GRK5: variants seen among roughly 807,000 people sequenced by gnomAD.
GRK5 encodes the protein G protein-coupled receptor kinase 5.
GRK5 carries 40 observed loss-of-function variants against 78.4 expected under a neutral mutation model. The observed-to-expected ratio is 0.51, with a 90% confidence interval of 0.40 to 0.66. The LOEUF (loss-of-function observed/expected upper bound fraction) is 0.66. Ranked by LOEUF, GRK5 falls within the 30% of genes least tolerant of loss-of-function variation. GRK5 has a pLI of 0.00. For missense variants in GRK5, 598 were observed against 759.9 expected (o/e 0.79, Z 2.50); for synonymous variants, 289 against 296.8 (o/e 0.97, Z 0.27).
intron 2 of GRK5, chr10:119,334,709 T>C (rs552451304): frequency 1.3e-5 from 2 of 152,302 alleles, no homozygotes; most frequent in South Asian, 4.1e-4. Flanking sequence ...AAAAAAAGTC[T>C]GAGGGGGCTT....
intron 2 of GRK5, among the ~76,000 whole-genome samples, chr10:119,346,888 C>T (rs1208529168): frequency 1.3e-5 from 2 of 152,218 alleles, no homozygotes; most frequent in Admixed American, 6.5e-5. Flanking sequence ...GGCCTCCTCT[C>T]GGGCCCGTGT....
intron 4 of GRK5, among the ~76,000 whole-genome samples, chr10:119,407,617 TTATAGCTTTAGTGCATTCTATC>T (rs1852262407): frequency 6.6e-6 from 1 of 152,250 alleles, no homozygotes; most frequent in Non-Finnish European, 1.5e-5. Flanking sequence ...GCGACATGCT[TTATAGCTTTAGTGCATTCTATC>T]TTCATGACTA....
At chr10:119,364,400 G>A (rs1199553418) in intron 2 of GRK5, among the ~76,000 whole-genome samples, 1 of 152,234 alleles carries the variant, frequency 6.6e-6, no homozygotes, top group Non-Finnish European at 1.5e-5. Context: ...TTTGCTTCCA[G>A]AATGGAAATT....
At chr10:119,418,546 G>C (rs533884314) in intron 4 of GRK5, among the ~76,000 whole-genome samples, 5 of 152,234 alleles carry the variant, frequency 3.3e-5, no homozygotes, top group Non-Finnish European at 7.3e-5. Flanking sequence ...CCTGCTCAGG[G>C]ATAGCTGGGT....
intron 1 of GRK5, among the ~76,000 whole-genome samples, chr10:119,284,730 C>T (rs1018065910): frequency 5.3e-5 from 8 of 152,206 alleles, no homozygotes; most frequent in Non-Finnish European, 1.0e-4. Context: ...AAGGGCCTAA[C>T]AGACAGAGGT....
chr10:119,459,519 A>C lies in GRK5; in HGVS notation c.*4452A>C, dbSNP rs1853450290. On this transcript the variant is annotated 3_prime_UTR_variant, in exon 16 of 16. Transcript: ENST00000392870. ...TTTAGTGGCTTTTGGTGTTGTTAAA[A>C]TAATAAGAATCCTTCTAGCATCCAA... is the stretch of plus-strand genomic sequence containing the variant. 1 of 152,224 alleles carries C rather than the reference A, an allele frequency of 6.6e-6. No homozygotes were observed. Among genetic ancestry groups the C allele is most frequent in the Admixed American group, 6.5e-5 (1 of 15,280 alleles). The allele number at this position is 152,224 out of a possible 1,614,324, so 9.4% of individuals were successfully genotyped here. A position where few individuals can be genotyped will look rare whatever the true frequency, so the allele number is the denominator to read the frequency against.
At chr10:119,380,407 C>T (rs1851692833) in intron 2 of GRK5, among the ~76,000 whole-genome samples, 1 of 152,250 alleles carries the variant, frequency 6.6e-6, no homozygotes, top group Admixed American at 6.5e-5. Context: ...GAGAGCACCT[C>T]TGCTCCAGTG....
intron 1 of GRK5, among the ~76,000 whole-genome samples, chr10:119,213,708 T>G (rs1848525306): frequency 6.6e-6 from 1 of 152,168 alleles, no homozygotes; most frequent in South Asian, 2.1e-4. Flanking sequence ...AAGCATTTCA[T>G]TTTGTGAAAA....
At chr10:119,355,710 G>T (rs1326215976) in intron 2 of GRK5, among the ~76,000 whole-genome samples, 2 of 152,186 alleles carry the variant, frequency 1.3e-5, no homozygotes, top group Non-Finnish European at 2.9e-5. Flanking sequence ...AATCTGGGAG[G>T]CAGAGGTTGC....
At chr10:119,339,355 T>C (rs943056593) in intron 2 of GRK5, among the ~76,000 whole-genome samples, 7 of 152,212 alleles carry the variant, frequency 4.6e-5, no homozygotes, top group Non-Finnish European at 8.8e-5. Flanking sequence ...ACACTTTTAA[T>C]GGTCTCTGCC....
At chr10:119,367,986 C>CA (rs1443711464) in intron 2 of GRK5, among the ~76,000 whole-genome samples, 9 of 152,352 alleles carry the variant, frequency 5.9e-5, no homozygotes, top group African/African-American at 2.2e-4. Context: ...CAGGAAGAGC[C>CA]AGGTCTGCCT....
intron 2 of GRK5, among the ~76,000 whole-genome samples, chr10:119,334,224 C>T (rs1052745586): frequency 1.3e-5 from 2 of 152,174 alleles, no homozygotes; most frequent in Non-Finnish European, 2.9e-5. Context: ...GAGGATTGCT[C>T]AAACCCAGGA....
rs577664788 is a variant in GRK5 at position 119,344,095 on chromosome 10, G to C, written c.148+17484G>C. On this transcript the variant is annotated intron_variant, in intron 2 of 15. Coordinates refer to ENST00000392870, the MANE Select transcript of GRK5 (RefSeq NM_005308.3). ...TTTCTTTTTCTTTTTTTTTTGGCGGGGGGTAACAGATCCTTTTTTATTTTT... is the reference window on the plus strand; with the variant it reads ...TTTCTTTTTCTTTTTTTTTTGGCGGCGGGTAACAGATCCTTTTTTATTTTT... 2.0e-5 allele frequency among the ~76,000 whole-genome samples: 3 copies of C among 151,738 alleles called. No homozygotes were observed. In the East Asian group the frequency reaches 5.8e-4, roughly 29 times the overall value.
At chr10:119,442,462 T>C (rs925315935) in intron 11 of GRK5, among the ~76,000 whole-genome samples, 2 of 152,140 alleles carry the variant, frequency 1.3e-5, no homozygotes, top group African/African-American at 4.8e-5. Context: ...AGCCCGCAAA[T>C]GAGAGGCGCG....
At chr10:119,215,095 A>G (rs1385033347) in intron 1 of GRK5, among the ~76,000 whole-genome samples, 1 of 152,208 alleles carries the variant, frequency 6.6e-6, no homozygotes, top group Non-Finnish European at 1.5e-5. Flanking sequence ...AATGACCGAA[A>G]AGATTAAAGG....
intron 3 of GRK5, among the ~76,000 whole-genome samples, chr10:119,389,543 C>A (rs1367701662): frequency 1.3e-5 from 2 of 152,160 alleles, no homozygotes; most frequent in Non-Finnish European, 2.9e-5. Context: ...CTCCTGGGTG[C>A]CCCACCCGCA....
At chr10:119,225,742 C>T (rs1251286023) in intron 1 of GRK5, among the ~76,000 whole-genome samples, 2 of 150,094 alleles carry the variant, frequency 1.3e-5, no homozygotes, top group Non-Finnish European at 2.9e-5. Context: ...GCGATCTTGG[C>T]TCACTGCAAC....
chr10:119,259,493 G>A (rs1448403287), intron 1 of GRK5, among the ~76,000 whole-genome samples: 2 of 152,214 alleles, frequency 1.3e-5, no homozygotes, highest in Non-Finnish European at 2.9e-5. Context: ...CCCAAAGAGA[G>A]AAAAATTGGT....
rs192446928 is a variant in GRK5 at position 119,441,571 on chromosome 10, G to T, written c.968-428G>T. 2.0e-5 allele frequency among the ~76,000 whole-genome samples: 3 copies of T among 152,330 alleles called. No homozygotes were observed. In the East Asian group the frequency reaches 5.8e-4, roughly 29 times the overall value. ...CAATCTCCAGAGACCAACAAGGCAGGCCGGGGAGCTGCTTCCCAAATCGTT... is the reference window on the plus strand; with the variant it reads ...CAATCTCCAGAGACCAACAAGGCAGTCCGGGGAGCTGCTTCCCAAATCGTT... On this transcript the variant is annotated intron_variant, in intron 10 of 15. Coordinates refer to ENST00000392870, the MANE Select transcript of GRK5 (RefSeq NM_005308.3).
Sources: allele counts gnomAD v4.1 joint callset (sites outside exome capture counted in the v4.1 genomes callset), GRCh38; gene constraint gnomAD v4.1.1; transcripts MANE v1.5; gene names NCBI Gene and HGNC (gene_info 2026-07-23, HGNC 2026-07-21).